AGPS: variants seen among roughly 807,000 people sequenced by gnomAD.
AGPS encodes the protein alkyldihydroxyacetonephosphate synthase, peroxisomal.
A neutral mutation model predicts 90.7 loss-of-function variants in AGPS; 26 were observed. The ratio of observed to expected loss-of-function variants is 0.29; its 90% CI spans 0.21 to 0.40. AGPS has a LOEUF of 0.40. Among genes scored for constraint, AGPS ranks in the 10% least tolerant of loss-of-function variants. The pLI, the probability that AGPS is intolerant of heterozygous loss-of-function variation, is 1.00. For synonymous variants in AGPS, 294 were observed against 285.3 expected (o/e 1.03, Z -0.31); for missense variants, 540 against 816.1 (o/e 0.66, Z 4.12).
At chr2:177,501,927 A>G (rs1282749541) in intron 14 of AGPS, among the ~76,000 whole-genome samples, 1 of 152,196 alleles carries the variant, frequency 6.6e-6, no homozygotes, top group African/African-American at 2.4e-5. Context: ...TGGCCTCCCA[A>G]AGTGCTGGGA....
At chr2:177,476,696 A>G (rs1399825970) in intron 10 of AGPS, among the ~76,000 whole-genome samples, 1 of 152,088 alleles carries the variant, frequency 6.6e-6, no homozygotes, top group Non-Finnish European at 1.5e-5. Flanking sequence ...ATAGTGTACA[A>G]GTCCTATTGC....
chr2:177,424,451 G>T (rs1481469917), intron 2 of AGPS, among the ~76,000 whole-genome samples: 1 of 45,382 alleles, frequency 2.2e-5, no homozygotes, highest in Non-Finnish European at 5.7e-5. Flanking sequence ...ATAATAGAAT[G>T]ATTTTTTTTT....
rs200594024 is a variant in AGPS at position 177,434,330 on chromosome 2, C to T, written c.354C>T (p.Tyr118=). The T allele has an allele frequency of 8.7e-6, 14 of 1,605,430 alleles. No individual in the cohort carries two copies. In the East Asian group the frequency reaches 3.1e-4, roughly 36 times the overall value. The change falls in exon 3 of 20, where the codon TAC becomes TAT. Residue 118 remains tyrosine (Y), a synonymous_variant. Transcript: ENST00000264167. ...TTTTACTTTCTTTGTACCTTAGGTA[C>T]CCTCTTAGTGGCATGGGTTTACCAA... ...KGQIELTGKR[Y]PLSGMGLPTF... is the part of the protein sequence containing the mutation.
At chr2:177,499,754 C>A in intron 14 of AGPS, 24 bp downstream of exon 14, 2 of 1,430,134 alleles carry the variant, frequency 1.4e-6, no homozygotes, top group Non-Finnish European at 2.0e-6. Context: ...TTCATAATGC[C>A]AAGAGAAAGA....
intron 1 of AGPS, among the ~76,000 whole-genome samples, chr2:177,397,469 G>GTT (rs1395102119): frequency 2.0e-4 from 27 of 137,394 alleles, no homozygotes; most frequent in Middle Eastern, 7.3e-3. Context: ...ATTTTTTTCA[G>GTT]TTTTTTTTTT....
Position 177,497,713 on chromosome 2 carries a change from C to T in AGPS, c.1310C>T (p.Ser437Phe). The change falls in exon 13 of 20, where the codon TCC (serine) becomes TTC (phenylalanine). Residue 437 changes from serine (S) to phenylalanine (F), a missense_variant. Ser to Phe is a radical substitution (Grantham distance 155, BLOSUM62 -2). Transcript: ENST00000264167. The stretch of plus-strand genomic sequence containing the variant: ...GGTCATGCTCTTAAACCTCAGGTTT[C>T]CTCTATTTTTACATCATTTTTGGAC... ...QFGHALKPQVSSIFTSFLDGL... is the reference protein window; with the variant it reads ...QFGHALKPQVFSIFTSFLDGL... The T allele has an allele frequency of 1.9e-6, 3 of 1,581,266 alleles. No homozygotes were observed. The highest frequency in any genetic ancestry group is 2.6e-6 in the Non-Finnish European group (3 of 1,156,750).
chr2:177,509,893 A>G (rs1291261028), intron 16 of AGPS, among the ~76,000 whole-genome samples: 1 of 152,100 alleles, frequency 6.6e-6, no homozygotes, highest in Non-Finnish European at 1.5e-5. Context: ...TTTCCACAGG[A>G]CTAGTCTACG....
In AGPS at chr2:177,534,799, A is replaced by T. The variant is rs185658765; in HGVS notation, c.1856-3275A>T. 1.2e-3 allele frequency among the ~76,000 whole-genome samples: 151 copies of T among 123,194 alleles called. 1 individual carries two copies. Among genetic ancestry groups the T allele is most frequent in the African/African-American group, 4.3e-3 (142 of 32,914 alleles). The allele number at this position is 123,194 out of a possible 152,430, so 80.8% of individuals were successfully genotyped here. A position where few individuals can be genotyped will look rare whatever the true frequency, so the allele number is the denominator to read the frequency against. ...ATTTTTTTAGAAATGGGGTCTCACTATGTTACCCAGGCTGGTCTTGAACTC... is the reference window on the plus strand; with the variant it reads ...ATTTTTTTAGAAATGGGGTCTCACTTTGTTACCCAGGCTGGTCTTGAACTC... On this transcript the variant is annotated intron_variant, in intron 19 of 19. Coordinates refer to ENST00000264167, the MANE Select transcript of AGPS (RefSeq NM_003659.4).
chr2:177,446,469 G>C (rs1352437263), intron 8 of AGPS, among the ~76,000 whole-genome samples: 4 of 152,144 alleles, frequency 2.6e-5, no homozygotes, highest in African/African-American at 9.7e-5. Flanking sequence ...TCTGCAGATA[G>C]CTGAATATGG....
Position 177,434,246 on chromosome 2 carries a change from C to G in AGPS, c.351-81C>G, listed in dbSNP as rs1000209265. 23 of 975,772 alleles carry G rather than the reference C, an allele frequency of 2.4e-5. No homozygotes were observed. The Admixed American group carries it at 3.1e-4, about 13-fold the overall frequency. The allele number at this position is 975,772 out of a possible 1,614,324, so 60.4% of individuals were successfully genotyped here. Reference sequence around the variant, plus strand: ...TGTTGGTTTGATAGTAGCTGCTTGACCATCACTGGAAGCAGAATTTAAGCT... The same window carrying G: ...TGTTGGTTTGATAGTAGCTGCTTGAGCATCACTGGAAGCAGAATTTAAGCT... On this transcript the variant is annotated intron_variant, in intron 2 of 19. Coordinates refer to ENST00000264167, the MANE Select transcript of AGPS (RefSeq NM_003659.4).
intron 11 of AGPS, among the ~76,000 whole-genome samples, chr2:177,489,673 T>G (rs1168988470): frequency 1.3e-5 from 2 of 152,182 alleles, no homozygotes; most frequent in East Asian, 3.8e-4. Context: ...TCATATAGTT[T>G]CAGACTATTA....
intron 8 of AGPS, among the ~76,000 whole-genome samples, chr2:177,454,592 A>G (rs1687056098): frequency 6.7e-6 from 1 of 150,286 alleles, no homozygotes; most frequent in Non-Finnish European, 1.5e-5. Flanking sequence ...TATTTTATAT[A>G]TATTTTATTT....
chr2:177,522,929 G>A (rs1447301819), intron 18 of AGPS, among the ~76,000 whole-genome samples: 1 of 152,146 alleles, frequency 6.6e-6, no homozygotes, highest in Non-Finnish European at 1.5e-5. Flanking sequence ...GAATCATTAG[G>A]AACTGAAGGC....
intron 17 of AGPS, among the ~76,000 whole-genome samples, chr2:177,514,341 T>G (rs535377660): frequency 2.9e-4 from 44 of 152,318 alleles, no homozygotes; most frequent in Non-Finnish European, 5.7e-4. Context: ...AGTAAAATAG[T>G]GGTAATGCCA....
At chr2:177,466,432 G>A (rs1687450240) in intron 9 of AGPS, among the ~76,000 whole-genome samples, 1 of 152,242 alleles carries the variant, frequency 6.6e-6, no homozygotes, top group East Asian at 1.9e-4. Context: ...CCAGCCCCCA[G>A]GCGTCAGGCC....
intron 14 of AGPS, among the ~76,000 whole-genome samples, chr2:177,502,907 A>G (rs1688602017): frequency 6.6e-6 from 1 of 152,154 alleles, no homozygotes; most frequent in Non-Finnish European, 1.5e-5. Context: ...TCTCTCCTGC[A>G]TAACAAGACA....
chr2:177,482,730 A>G (rs1687980110), intron 11 of AGPS, among the ~76,000 whole-genome samples: 1 of 152,154 alleles, frequency 6.6e-6, no homozygotes, highest in Non-Finnish European at 1.5e-5. Flanking sequence ...GGAATATACT[A>G]TGTGTAATAA....
rs560125513 is a variant in AGPS at position 177,420,498 on chromosome 2, C to T, written c.350+140C>T. The T allele has an allele frequency of 6.0e-6, 4 of 666,526 alleles. No individual in the cohort carries two copies. In the East Asian group the frequency reaches 1.1e-4, roughly 19 times the overall value. The allele number at this position is 666,526 out of a possible 1,614,324, so 41.3% of individuals were successfully genotyped here. On this transcript the variant is annotated intron_variant, in intron 2 of 19. Coordinates refer to ENST00000264167, the MANE Select transcript of AGPS (RefSeq NM_003659.4). ...TTTTGCCATAACTGCTTTTTGTCTC[C>T]TGGTAATATTTCAAATTCTGATGTT...
At chr2:177,462,401 AAAAAG>A (rs1438726937) in intron 9 of AGPS, among the ~76,000 whole-genome samples, 1 of 150,472 alleles carries the variant, frequency 6.6e-6, no homozygotes. Flanking sequence ...TCAAAAAAAA[AAAAAG>A]AAAAAAGAAA....
Sources: gnomAD v4.1 joint callset for allele counts (sites outside exome capture counted in the v4.1 genomes callset) on GRCh38, gnomAD v4.1.1 for gene constraint, MANE v1.5 for transcripts, NCBI Gene and HGNC (gene_info 2026-07-23, HGNC 2026-07-21) for gene names.